The following PCSK2 variants were observed in gnomAD, a reference collection of about 807,000 sequenced individuals.
The protein encoded by PCSK2 is neuroendocrine convertase 2.
Under a neutral mutation model 69.7 loss-of-function variants are expected in PCSK2, and 14 were observed. The observed-to-expected ratio is 0.20, with a 90% CI of 0.13 to 0.31. The LOEUF (loss-of-function observed/expected upper bound fraction) is 0.31. PCSK2 is among the 10% of genes least tolerant of loss of function. The pLI, the probability that PCSK2 is intolerant of heterozygous loss-of-function variation, is 1.00. For synonymous variants in PCSK2, 307 were observed against 320.7 expected (o/e 0.96, Z 0.46); for missense variants, 544 against 842.5 (o/e 0.65, Z 4.39).
At chr20:17,447,354 A>T (rs958661989) in intron 8 of PCSK2, among the ~76,000 whole-genome samples, 17 of 152,192 alleles carry the variant, frequency 1.1e-4, no homozygotes, top group Non-Finnish European at 4.4e-5. Flanking sequence ...TAAATAATAA[A>T]GCAAGAATAC....
In PCSK2 at chr20:17,320,997, A is replaced by G. The variant is rs781257559; in HGVS notation, c.283-37330A>G. 4.2e-4 allele frequency among the ~76,000 whole-genome samples: 64 copies of G among 152,224 alleles called. 1 individual carries two copies. The highest frequency in any genetic ancestry group is 7.2e-4 in the Admixed American group (11 of 15,288). On this transcript the variant is annotated intron_variant, in intron 2 of 11. Coordinates refer to ENST00000262545, the MANE Select transcript of PCSK2 (RefSeq NM_002594.5). ...ACAAGCAAAATGTTAGGCATCAAACAGCCCTGTCGGTTATTTCTGCCTTTT... is the reference window on the plus strand; with the variant it reads ...ACAAGCAAAATGTTAGGCATCAAACGGCCCTGTCGGTTATTTCTGCCTTTT...
chr20:17,367,393 G>A (rs559208905), intron 4 of PCSK2, among the ~76,000 whole-genome samples: 45 of 152,184 alleles, frequency 3.0e-4, no homozygotes, highest in Non-Finnish European at 6.0e-4. Context: ...AAACCGCTTT[G>A]CAAAGTAAAT....
chr20:17,393,381 A>AT (rs1213944094), intron 5 of PCSK2, among the ~76,000 whole-genome samples: 1 of 152,088 alleles, frequency 6.6e-6, no homozygotes, highest in East Asian at 1.9e-4. Context: ...TTTCCATTTG[A>AT]TTTTTTGGAA....
chr20:17,358,252 G>A, intron 2 of PCSK2, 75 bp from the exon 3 acceptor site: 2 of 928,508 alleles, frequency 2.2e-6, no homozygotes, highest in Non-Finnish European at 1.8e-6. Context: ...ATGAAATTTG[G>A]ATTCATGGAA....
chr20:17,484,284 A>T lies in PCSK2; in HGVS notation c.*2214A>T, dbSNP rs560394509. 2 of 152,638 alleles carry T rather than the reference A, an allele frequency of 1.3e-5. No individual in the cohort carries two copies. The highest frequency in any genetic ancestry group is 4.1e-4 in the South Asian group (2 of 4,826). 9.5% of individuals were successfully genotyped at this position (152,638 alleles called of 1,614,324 possible). ...CTTAAGAGAAATGGCAAGTTTTGAT[A>T]TGAGTATACAATATATAAAAATATA... is the stretch of plus-strand genomic sequence containing the variant. On this transcript the variant is annotated 3_prime_UTR_variant, in exon 12 of 12. Transcript: ENST00000262545.
intron 2 of PCSK2, among the ~76,000 whole-genome samples, chr20:17,275,079 TTATACATA>T (rs1460003972): frequency 1.5e-5 from 1 of 64,754 alleles, no homozygotes; most frequent in African/African-American, 4.9e-5. Context: ...TGCATATTAT[TTATACATA>T]TATATATATA....
chr20:17,260,512 T>C (rs950204068), intron 2 of PCSK2, among the ~76,000 whole-genome samples, 168 bp downstream of exon 2: 1 of 152,180 alleles, frequency 6.6e-6, no homozygotes, highest in African/African-American at 2.4e-5. Flanking sequence ...TGCTCCTTTG[T>C]CTCTGCATAA....
At chr20:17,369,037 T>G (rs767793541) in intron 4 of PCSK2, among the ~76,000 whole-genome samples, 1 of 152,160 alleles carries the variant, frequency 6.6e-6, no homozygotes, top group African/African-American at 2.4e-5. Flanking sequence ...CAGCTGTCTC[T>G]CCGCTCTGGC....
intron 2 of PCSK2, among the ~76,000 whole-genome samples, chr20:17,330,449 T>C (rs1293337349): frequency 2.6e-5 from 4 of 151,602 alleles, no homozygotes; most frequent in African/African-American, 9.7e-5. Context: ...AAAAAATTAG[T>C]TGGGCATGGT....
At chr20:17,422,931 G>C (rs1490284995) in intron 6 of PCSK2, among the ~76,000 whole-genome samples, 1 of 152,134 alleles carries the variant, frequency 6.6e-6, no homozygotes, top group Non-Finnish European at 1.5e-5. Flanking sequence ...CACATGGGGA[G>C]AAATAGGCAC....
intron 2 of PCSK2, among the ~76,000 whole-genome samples, chr20:17,312,462 A>G (rs1989547441): frequency 6.6e-6 from 1 of 152,158 alleles, no homozygotes; most frequent in Non-Finnish European, 1.5e-5. Flanking sequence ...TGAAGTCAGT[A>G]GGCCAAATAT....
chr20:17,361,163 A>G (rs1406427372), intron 4 of PCSK2, among the ~76,000 whole-genome samples: 1 of 152,230 alleles, frequency 6.6e-6, no homozygotes, highest in East Asian at 1.9e-4. Flanking sequence ...ATCATCACAG[A>G]TAGTTACATT....
At position 17,430,725 on chromosome 20, in the gene PCSK2, T is replaced by G. The variant is rs1465999223; in HGVS notation, c.709+1202T>G. Among the ~76,000 whole-genome samples the G allele has an allele frequency of 5.3e-5, 8 of 152,182 alleles. No homozygotes were observed. The East Asian group carries it at 1.3e-3, about 26-fold the overall frequency. On this transcript the variant is annotated intron_variant, in intron 7 of 11. Transcript: ENST00000262545. ...GGGAAAGAATATCACTCGGTTAATA[T>G]TTTATAAGCCAGGCTCAGACCTGGG...
intron 2 of PCSK2, among the ~76,000 whole-genome samples, chr20:17,303,457 A>ATATAT (rs1568593351): frequency 1.7e-5 from 1 of 60,020 alleles, no homozygotes; most frequent in African/African-American, 6.9e-5. Flanking sequence ...ATATTATATT[A>ATATAT]AATATAATAT....
chr20:17,272,341 G>A (rs1230943535), intron 2 of PCSK2, among the ~76,000 whole-genome samples: 5 of 151,976 alleles, frequency 3.3e-5, no homozygotes, highest in Non-Finnish European at 4.4e-5. Context: ...AATCATTTTA[G>A]CATTTTGTGG....
At chr20:17,461,572 A>T (rs1318589635) in intron 10 of PCSK2, among the ~76,000 whole-genome samples, 2 of 152,206 alleles carry the variant, frequency 1.3e-5, no homozygotes, top group Non-Finnish European at 2.9e-5. Flanking sequence ...AGGAGAAGTG[A>T]TTCCTCCAAC....
intron 8 of PCSK2, among the ~76,000 whole-genome samples, chr20:17,437,720 T>A (rs1462299115): frequency 1.3e-5 from 2 of 152,202 alleles, no homozygotes; most frequent in East Asian, 3.9e-4. Context: ...ACCCCAAAAC[T>A]TCATAGCACA....
intron 6 of PCSK2, among the ~76,000 whole-genome samples, chr20:17,409,652 A>ATTT (rs2031827483): frequency 6.6e-6 from 1 of 152,146 alleles, no homozygotes; most frequent in African/African-American, 2.4e-5. Context: ...AAACATGCTG[A>ATTT]TTTTGCTTTA....
intron 2 of PCSK2, among the ~76,000 whole-genome samples, chr20:17,332,409 T>C (rs762844233): frequency 7.2e-5 from 11 of 152,152 alleles, no homozygotes; most frequent in Non-Finnish European, 7.4e-5. Context: ...AATGCCCTGA[T>C]AGCCACCTCT....
Sources: gnomAD v4.1 joint callset for allele counts (sites outside exome capture counted in the v4.1 genomes callset) on GRCh38, gnomAD v4.1.1 for gene constraint, MANE v1.5 for transcripts, NCBI Gene and HGNC (gene_info 2026-07-23, HGNC 2026-07-21) for gene names.